The following TTC28 variants were observed in gnomAD, a reference collection of about 807,000 sequenced individuals.
TTC28 encodes the protein tetratricopeptide repeat domain 28, also known as tetratricopeptide repeat protein 28.
Under a neutral mutation model 198.0 loss-of-function variants are expected in TTC28, and 61 were observed. That is an observed-to-expected ratio of 0.31 (90% CI 0.25 to 0.38). TTC28 has a LOEUF of 0.38. Ranked by LOEUF, TTC28 falls within the 10% of genes least tolerant of loss-of-function variation. The pLI is 1.00. For synonymous variants in TTC28, 1,171 were observed against 1,297.8 expected (o/e 0.90, Z 2.10); for missense variants, 2,678 against 3,164.0 (o/e 0.85, Z 3.69).
chr22:28,541,314 A>G lies in TTC28; in HGVS notation c.381+88238T>C, dbSNP rs16986506. Among the ~76,000 whole-genome samples, 1,098 of 152,344 alleles carry G rather than the reference A, an allele frequency of 7.2e-3. 27 individuals carry two copies. The East Asian group carries it at 0.073, about 10-fold the overall frequency. ...TCTGCCTTTTAGGACCTGCTGGGCC[A>G]TAATGCATGAAGAGAAATCCAAAAC... On this transcript the variant is annotated intron_variant, in intron 2 of 22. Coordinates refer to ENST00000397906, the MANE Select transcript of TTC28 (RefSeq NM_001145418.2).
Position 28,107,656 on chromosome 22 carries a change from A to G in TTC28, c.2189T>C (p.Ile730Thr), listed in dbSNP as rs140424016. ...LGDIFICKKD[I>T]NGAIKFYEQQ... ...CTCATAGAATTTTATTGCACCATTT[A>G]TATCTTTTTTACAGATGAATATATC... The change falls in exon 7 of 23, where the codon ATA becomes ACA. Residue 730 changes from isoleucine (I) to threonine (T), a missense_variant. Ile to Thr is a moderately conservative substitution (Grantham distance 89, BLOSUM62 -1). Transcript: ENST00000397906. 2.6e-6 allele frequency: 4 copies of G among 1,551,676 alleles called. No individual in the cohort carries two copies. The highest frequency in any genetic ancestry group is 1.4e-5 in the African/African-American group (1 of 73,144).
intron 2 of TTC28, among the ~76,000 whole-genome samples, chr22:28,384,882 T>C (rs1232551789): frequency 6.6e-6 from 1 of 152,108 alleles, no homozygotes; most frequent in Non-Finnish European, 1.5e-5. Context: ...GGCTCATGCC[T>C]GTAATCCCAG....
At chr22:28,464,185 G>A (rs1294154124) in intron 2 of TTC28, among the ~76,000 whole-genome samples, 1 of 152,150 alleles carries the variant, frequency 6.6e-6, no homozygotes, top group Non-Finnish European at 1.5e-5. Context: ...GAGATGGGGA[G>A]GAGACGTTTA....
intron 2 of TTC28, among the ~76,000 whole-genome samples, chr22:28,531,915 T>A (rs980397752): frequency 3.3e-5 from 5 of 152,186 alleles, no homozygotes; most frequent in Admixed American, 6.5e-5. Flanking sequence ...AAGCAGTGTG[T>A]AGAGGGAAAT....
At chr22:28,079,320 G>A (rs1941262380) in intron 12 of TTC28, among the ~76,000 whole-genome samples, 1 of 152,132 alleles carries the variant, frequency 6.6e-6, no homozygotes, top group South Asian at 2.1e-4. Flanking sequence ...GGTGACAGAA[G>A]TGGATTGATT....
At chr22:27,987,722 G>A (rs62235643) in intron 21 of TTC28, among the ~76,000 whole-genome samples, 3 of 152,140 alleles carry the variant, frequency 2.0e-5, no homozygotes, top group Non-Finnish European at 4.4e-5. Flanking sequence ...AAAAAAAAAG[G>A]TTGTGGTTGT....
intron 2 of TTC28, among the ~76,000 whole-genome samples, chr22:28,336,010 G>C (rs134492): frequency 0.86 from 131,100 of 152,122 alleles, 56,757 homozygotes; most frequent in East Asian, 0.99. Context: ...TGAGATACGT[G>C]CCATCAATAC....
At chr22:28,553,890 A>T (rs528910793) in intron 2 of TTC28, among the ~76,000 whole-genome samples, 2 of 152,372 alleles carry the variant, frequency 1.3e-5, no homozygotes, top group East Asian at 3.9e-4. Context: ...CGGCTCATTG[A>T]GAACGGGCCA....
In TTC28 at chr22:28,445,861, TACACACACAC is replaced by T. The variant is rs111302565; in HGVS notation, c.382-139228_382-139219del. On this transcript the variant is annotated intron_variant, in intron 2 of 22. Transcript: ENST00000397906. ...ATAGCCCTGATGACATACATATCTA[TACACACACAC>T]ACACACACACACACACATATGTATT... 3.1e-4 allele frequency among the ~76,000 whole-genome samples: 46 copies of T among 146,852 alleles called. 2 individuals are homozygous for T. In the South Asian group the frequency reaches 5.3e-3, roughly 17 times the overall value.
At chr22:28,429,809 G>T (rs1002913130) in intron 2 of TTC28, among the ~76,000 whole-genome samples, 1 of 152,116 alleles carries the variant, frequency 6.6e-6, no homozygotes, top group Non-Finnish European at 1.5e-5. Flanking sequence ...TTCCTTTTAA[G>T]CCACAGCAAT....
At position 27,989,977 on chromosome 22, in the gene TTC28, C is replaced by T; in HGVS notation, c.5608G>A (p.Gly1870Ser). 1 of 1,551,104 alleles carries T rather than the reference C, an allele frequency of 6.4e-7. No homozygotes were observed. The highest frequency in any genetic ancestry group is 2.4e-5 in the East Asian group (1 of 40,916). The change falls in exon 21 of 23, where the codon GGC becomes AGC. Residue 1870 changes from glycine to serine, a missense_variant. Around this residue, in one of 8 missense-constraint regions of TTC28, gnomAD observed 314 missense variants for 442.7 expected, o/e 0.71. Coordinates refer to ENST00000397906, the MANE Select transcript of TTC28 (RefSeq NM_001145418.2). ...LHQVLVQLQAGEKEQDLASAP... is the reference protein window; with the variant it reads ...LHQVLVQLQASEKEQDLASAP... ...GATGCCAAGTCCTGCTCCTTCTCGC[C>T]AGCCTGGAGCTGAACCAGCACCTGG...
chr22:28,104,484 T>C (rs145526131), intron 8 of TTC28, among the ~76,000 whole-genome samples: 1 of 152,340 alleles, frequency 6.6e-6, no homozygotes, highest in Non-Finnish European at 1.5e-5. Context: ...GTGAGCTATC[T>C]GCCCTTTTTC....
chr22:28,363,745 G>A (rs1001973217), intron 2 of TTC28, among the ~76,000 whole-genome samples: 1 of 152,188 alleles, frequency 6.6e-6, no homozygotes, highest in Non-Finnish European at 1.5e-5. Context: ...TGTGAGACAT[G>A]GAGTCAAAGG....
intron 20 of TTC28, among the ~76,000 whole-genome samples, 187 bp downstream of exon 20, chr22:27,990,602 G>A (rs770639872): frequency 2.8e-4 from 43 of 152,166 alleles, no homozygotes; most frequent in Non-Finnish European, 5.1e-4. Flanking sequence ...AGGAAGAGGG[G>A]AGGCAGAGCA....
At chr22:28,270,845 G>A (rs1932020400) in intron 5 of TTC28, among the ~76,000 whole-genome samples, 2 of 151,990 alleles carry the variant, frequency 1.3e-5, no homozygotes. Context: ...ACCAGCCTGG[G>A]CAACATAGCG....
chr22:28,120,731 C>T (rs983931471), intron 6 of TTC28, among the ~76,000 whole-genome samples: 6 of 152,276 alleles, frequency 3.9e-5, no homozygotes, highest in African/African-American at 1.4e-4. Context: ...TAGAGCAGCC[C>T]TTTAAAATGA....
intron 2 of TTC28, among the ~76,000 whole-genome samples, chr22:28,406,906 C>T (rs1012978753): frequency 6.6e-6 from 1 of 152,164 alleles, no homozygotes; most frequent in African/African-American, 2.4e-5. Context: ...AGGCTATTAA[C>T]AAATTTACAA....
chr22:28,222,377 G>A (rs1202861674), intron 5 of TTC28, among the ~76,000 whole-genome samples: 1 of 152,188 alleles, frequency 6.6e-6, no homozygotes, highest in Admixed American at 6.5e-5. Context: ...AAACCTACAC[G>A]ACCCGAAGGT....
chr22:28,524,030 G>A (rs955727675), intron 2 of TTC28, among the ~76,000 whole-genome samples: 2 of 152,012 alleles, frequency 1.3e-5, no homozygotes, highest in Non-Finnish European at 2.9e-5. Flanking sequence ...TACTTAGTAG[G>A]AAACCCTGGA....
Sources: allele counts gnomAD v4.1 joint callset (sites outside exome capture counted in the v4.1 genomes callset), GRCh38; gene constraint gnomAD v4.1.1; regional missense constraint gnomAD v4.1.1; transcripts MANE v1.5; gene names NCBI Gene and HGNC (gene_info 2026-07-23, HGNC 2026-07-21).